ANO2: variants seen among roughly 807,000 people sequenced by gnomAD.
ANO2 encodes anoctamin-2.
Under a neutral mutation model 124.2 loss-of-function variants are expected in ANO2, and 101 were observed. The ratio of observed to expected loss-of-function variants is 0.81; its 90% CI spans 0.69 to 0.96. The LOEUF is 0.96. Among genes scored for constraint, ANO2 ranks in the 40% least tolerant of loss-of-function variants. The pLI, the probability that ANO2 is intolerant of heterozygous loss-of-function variation, is 0.00. For synonymous variants in ANO2, 486 were observed against 482.5 expected, an observed-to-expected ratio of 1.01 and a Z score of -0.09; for missense variants, 1,293 against 1,274.5, an observed-to-expected ratio of 1.01 and a Z score of -0.22.
intron 14 of ANO2, among the ~76,000 whole-genome samples, chr12:5,682,394 T>A (rs1308400003): frequency 1.3e-5 from 2 of 152,028 alleles, no homozygotes; most frequent in African/African-American, 4.8e-5. Flanking sequence ...CCACCCCAGC[T>A]CTCTCAGGCT....
At chr12:5,663,916 G>A (rs1947568905) in intron 14 of ANO2, among the ~76,000 whole-genome samples, 1 of 152,238 alleles carries the variant, frequency 6.6e-6, no homozygotes. Context: ...TGGGGACTGG[G>A]CTATGACCTT....
chr12:5,761,058 CAAAAAAAAAA>C (rs34278479), intron 10 of ANO2, among the ~76,000 whole-genome samples: 1 of 120,926 alleles, frequency 8.3e-6, no homozygotes, highest in Non-Finnish European at 1.7e-5. Flanking sequence ...ACCCCCACAG[CAAAAAAAAAA>C]AAAAAAAAAA....
intron 3 of ANO2, among the ~76,000 whole-genome samples, chr12:5,863,233 C>T (rs1410250169): frequency 1.3e-5 from 2 of 152,172 alleles, no homozygotes; most frequent in African/African-American, 2.4e-5. Flanking sequence ...CCCCACTCAA[C>T]CCCTGAGCTG....
chr12:5,873,229 C>T (rs868020123), intron 3 of ANO2, among the ~76,000 whole-genome samples: 22 of 147,316 alleles, frequency 1.5e-4, no homozygotes, highest in African/African-American at 5.2e-4. Flanking sequence ...CTCTCTCTCT[C>T]TCTCTCTCTC....
At position 5,770,281 on chromosome 12, in the gene ANO2, T is replaced by C. The variant is rs114233303; in HGVS notation, c.1056-19311A>G. On this transcript the variant is annotated intron_variant, in intron 10 of 24. Transcript: ENST00000682330. ...GGATGGGAACCACAGAAAAGCAAAG[T>C]GAATCATATTCTTCCAGCTCATTGG... 3.4e-3 allele frequency among the ~76,000 whole-genome samples: 525 copies of C among 152,312 alleles called. 7 individuals carry two copies. The highest frequency in any genetic ancestry group is 0.012 in the African/African-American group (502 of 41,574).
At chr12:5,688,898 C>T (rs1158011563) in intron 14 of ANO2, among the ~76,000 whole-genome samples, 1 of 151,312 alleles carries the variant, frequency 6.6e-6, no homozygotes, top group East Asian at 1.9e-4. Context: ...ATCAGCACAC[C>T]TGCCTCCTAT....
intron 13 of ANO2, among the ~76,000 whole-genome samples, chr12:5,735,181 C>T (rs560671509): frequency 6.6e-6 from 1 of 152,244 alleles, no homozygotes; most frequent in East Asian, 1.9e-4. Context: ...CACACCCAGC[C>T]ACGGGCAGAT....
chr12:5,676,383 T>A (rs1948243845), intron 14 of ANO2, among the ~76,000 whole-genome samples: 1 of 152,156 alleles, frequency 6.6e-6, no homozygotes, highest in Non-Finnish European at 1.5e-5. Context: ...TTTAGAAGCA[T>A]CGTGCCAAAA....
chr12:5,883,206 A>G lies in ANO2; in HGVS notation c.535-29065T>C, dbSNP rs574475055. ...CTAGCATGCTGAAAACTGAGCAATT[A>G]AATATCTGAGGCCCAAGTGCAGAGC... is the stretch of plus-strand genomic sequence containing the variant. On this transcript the variant is annotated intron_variant, in intron 3 of 24. Transcript: ENST00000682330. 2.6e-5 allele frequency among the ~76,000 whole-genome samples: 4 copies of G among 152,082 alleles called. No individual in the cohort carries two copies. The East Asian group carries it at 7.8e-4, about 30-fold the overall frequency.
At chr12:5,665,014 G>T (rs1470562834) in intron 14 of ANO2, among the ~76,000 whole-genome samples, 4 of 152,018 alleles carry the variant, frequency 2.6e-5, no homozygotes, top group East Asian at 1.9e-4. Context: ...CCTAAGCAAG[G>T]TCTTTTTTTT....
At chr12:5,796,461 CTT>C (rs1321692167) in intron 10 of ANO2, among the ~76,000 whole-genome samples, 1 of 138,590 alleles carries the variant, frequency 7.2e-6, no homozygotes, top group Non-Finnish European at 1.6e-5. Context: ...CACACCCACT[CTT>C]GCACATACAC....
At chr12:5,829,985 A>G (rs1009432944) in intron 6 of ANO2, among the ~76,000 whole-genome samples, 1 of 152,218 alleles carries the variant, frequency 6.6e-6, no homozygotes, top group Non-Finnish European at 1.5e-5. Flanking sequence ...GAGTTGAAAG[A>G]AGGGAAAATG....
At position 5,643,672 on chromosome 12, in the gene ANO2, G is replaced by A. The variant is rs572383776; in HGVS notation, c.1620+4055C>T. ...GTTTTTTCAACTTATACTCCCTATA[G>A]TAGAGTTTAAGATGCTCTTTTGATC... is the stretch of plus-strand genomic sequence containing the variant. On this transcript the variant is annotated intron_variant, in intron 15 of 24. Coordinates refer to ENST00000682330, the MANE Select transcript of ANO2 (RefSeq NM_001364791.2). Among the ~76,000 whole-genome samples the A allele has an allele frequency of 2.6e-5, 4 of 152,198 alleles. No individual in the cohort carries two copies. In the South Asian group the frequency reaches 8.3e-4, roughly 32 times the overall value.
intron 15 of ANO2, among the ~76,000 whole-genome samples, chr12:5,645,875 C>T (rs1427290464): frequency 6.6e-6 from 1 of 152,194 alleles, no homozygotes; most frequent in Admixed American, 6.5e-5. Context: ...AAGTTCACAA[C>T]CTGAGGTTCC....
chr12:5,678,256 T>A (rs1948341029), intron 14 of ANO2, among the ~76,000 whole-genome samples: 1 of 152,202 alleles, frequency 6.6e-6, no homozygotes. Flanking sequence ...ATGGGCTGCA[T>A]ACGCTTGATG....
At chr12:5,565,481 G>A in intron 24 of ANO2, 77 bp downstream of exon 24, 1 of 1,254,770 alleles carries the variant, frequency 8.0e-7, no homozygotes, top group Non-Finnish European at 1.1e-6. Context: ...CCTGGAGGTA[G>A]GTGCAAGCAA....
At chr12:5,707,003 T>G (rs1292824624) in intron 14 of ANO2, among the ~76,000 whole-genome samples, 1 of 152,188 alleles carries the variant, frequency 6.6e-6, no homozygotes, top group East Asian at 1.9e-4. Context: ...CTCTGAATCT[T>G]GAATTGTATT....
rs576787899 is a variant in ANO2 at position 5,922,591 on chromosome 12, C to A, written c.207+29G>T. 2.2e-4 allele frequency: 312 copies of A among 1,447,404 alleles called. 6 individuals carry two copies. The South Asian group carries it at 3.3e-3, about 15-fold the overall frequency. 89.7% of individuals were successfully genotyped at this position (1,447,404 alleles called of 1,614,324 possible). A position where few individuals can be genotyped will look rare whatever the true frequency, so the allele number is the denominator to read the frequency against. ...TGGCCTGCAACAGGGCTGGCCTATC[C>A]CCCCACCCCACCCCCGCCCAGTACT... On this transcript the variant is annotated intron_variant, in intron 2 of 24. Coordinates refer to ENST00000682330, the MANE Select transcript of ANO2 (RefSeq NM_001364791.2).
At position 5,830,809 on chromosome 12, in the gene ANO2, A is replaced by T. The variant is rs146848186; in HGVS notation, c.786-320T>A. Reference sequence around the variant, plus strand: ...AGGATAGGGTATCATGCAGTCATTGAAATTTATAATTATGAAAACTTTGTG... The same window carrying T: ...AGGATAGGGTATCATGCAGTCATTGTAATTTATAATTATGAAAACTTTGTG... On this transcript the variant is annotated intron_variant, in intron 5 of 24. Transcript: ENST00000682330. Among the ~76,000 whole-genome samples, 258 of 152,370 alleles carry T rather than the reference A, an allele frequency of 1.7e-3. No homozygotes were observed. In the East Asian group the frequency reaches 0.027, roughly 16 times the overall value.
Sources: allele counts gnomAD v4.1 joint callset (sites outside exome capture counted in the v4.1 genomes callset), GRCh38; gene constraint gnomAD v4.1.1; transcripts MANE v1.5; gene names NCBI Gene and HGNC (gene_info 2026-07-23, HGNC 2026-07-21).